Variants in TRAF3 observed in about 807,000 individuals in gnomAD.
TRAF3 encodes the protein TNF receptor associated factor 3.
Under a neutral mutation model 62.3 loss-of-function variants are expected in TRAF3, and 13 were observed. The observed-to-expected ratio is 0.21, with a 90% confidence interval of 0.14 to 0.33. The LOEUF (loss-of-function observed/expected upper bound fraction) is 0.33. TRAF3 is among the 10% of genes least tolerant of loss of function. TRAF3 has a pLI of 1.00. For missense variants in TRAF3, 440 were observed against 741.8 expected (o/e 0.59, Z 4.73); for synonymous variants, 269 against 283.4 (o/e 0.95, Z 0.51).
intron 7 of TRAF3, among the ~76,000 whole-genome samples, chr14:102,888,126 A>G (rs1000565089): frequency 6.6e-6 from 1 of 152,208 alleles, no homozygotes; most frequent in African/African-American, 2.4e-5. Flanking sequence ...TCCCTGGCTT[A>G]ACATGTAATA....
chr14:102,788,657 G>A (rs1429842292), intron 1 of TRAF3, among the ~76,000 whole-genome samples: 1 of 152,194 alleles, frequency 6.6e-6, no homozygotes, highest in African/African-American at 2.4e-5. Context: ...AATTAGCTGG[G>A]CGTGGTGGCG....
In TRAF3 at chr14:102,812,735, C is replaced by T. The variant is rs532284701; in HGVS notation, c.-156-17599C>T. On this transcript the variant is annotated intron_variant, in intron 1 of 11. Coordinates refer to ENST00000392745, the MANE Select transcript of TRAF3 (RefSeq NM_145725.3). ...GAGATCGAGACCATCTTGGCTAACA[C>T]GGTGAAACCCTGTCTTTACTAAAAA... 1.1e-4 allele frequency among the ~76,000 whole-genome samples: 17 copies of T among 149,850 alleles called. No individual in the cohort carries two copies. In the South Asian group the frequency reaches 1.9e-3, roughly 16 times the overall value.
chr14:102,785,828 G>A (rs977436016), intron 1 of TRAF3, among the ~76,000 whole-genome samples: 12 of 152,288 alleles, frequency 7.9e-5, no homozygotes, highest in African/African-American at 1.9e-4. Flanking sequence ...TGTGAATAAC[G>A]GAATGCAGCC....
intron 1 of TRAF3, among the ~76,000 whole-genome samples, chr14:102,793,186 C>G (rs1897899210): frequency 1.3e-5 from 2 of 151,974 alleles, no homozygotes; most frequent in Admixed American, 6.6e-5. Flanking sequence ...GGGTCTTACT[C>G]TGTTGCCCAG....
intron 8 of TRAF3, among the ~76,000 whole-genome samples, chr14:102,890,931 T>A (rs1412295794): frequency 1.3e-5 from 2 of 152,248 alleles, no homozygotes. Context: ...TACAGGTATC[T>A]AAACATTTTC....
At chr14:102,814,938 TTTTC>T (rs1452828169) in intron 1 of TRAF3, among the ~76,000 whole-genome samples, 12 of 152,196 alleles carry the variant, frequency 7.9e-5, no homozygotes, top group South Asian at 2.1e-4. Flanking sequence ...TTTTCTTTTC[TTTTC>T]TTTCTTTTTC....
At chr14:102,789,542 C>T (rs934044662) in intron 1 of TRAF3, among the ~76,000 whole-genome samples, 3 of 152,044 alleles carry the variant, frequency 2.0e-5, no homozygotes, top group Non-Finnish European at 4.4e-5. Flanking sequence ...AGTGGCACCT[C>T]TCACACCTTC....
Position 102,910,646 on chromosome 14 carries a change from G to T in TRAF3, c.*4862G>T, listed in dbSNP as rs1890819972. 1 of 152,232 alleles carries T rather than the reference G, an allele frequency of 6.6e-6. No individual in the cohort carries two copies. Among genetic ancestry groups the T allele is most frequent in the African/African-American group, 2.4e-5 (1 of 41,464 alleles). 9.4% of individuals were successfully genotyped at this position (152,232 alleles called of 1,614,324 possible). ...GATCCTGGTGTGCCCCACATGCGGT[G>T]GCAGGGCAGACGTGTGAAGCCTCGG... On this transcript the variant is annotated 3_prime_UTR_variant, in exon 12 of 12. Coordinates refer to ENST00000392745, the MANE Select transcript of TRAF3 (RefSeq NM_145725.3).
chr14:102,828,863 C>T (rs1900483011), intron 1 of TRAF3, among the ~76,000 whole-genome samples: 2 of 151,410 alleles, frequency 1.3e-5, no homozygotes, highest in Non-Finnish European at 2.9e-5. Flanking sequence ...GGTGTAGATA[C>T]GCATAGAATA....
chr14:102,834,234 TACGGGTACAAAAGCAGAC>T (rs1319023687), intron 2 of TRAF3, among the ~76,000 whole-genome samples: 1 of 152,036 alleles, frequency 6.6e-6, no homozygotes, highest in Non-Finnish European at 1.5e-5. Flanking sequence ...AACAGCATGG[TACGGGTACAAAAGCAGAC>T]ACGAATGGAA....
At chr14:102,820,614 ATTTTTTTTTTTTTTTTTTT>A (rs57149106) in intron 1 of TRAF3, among the ~76,000 whole-genome samples, 1 of 17,926 alleles carries the variant, frequency 5.6e-5, no homozygotes, top group Admixed American at 1.4e-3. Flanking sequence ...ATATATATAT[ATTTTTTTTTTTTTTTTTTT>A]TTTTTTTTTT....
chr14:102,784,531 G>A (rs1220876219), intron 1 of TRAF3, among the ~76,000 whole-genome samples: 2 of 152,210 alleles, frequency 1.3e-5, no homozygotes, highest in East Asian at 1.9e-4. Flanking sequence ...CTGATGCTTG[G>A]CTTCTGATTC....
chr14:102,882,659 A>C (rs1889137796), intron 6 of TRAF3, among the ~76,000 whole-genome samples: 1 of 149,894 alleles, frequency 6.7e-6, no homozygotes, highest in African/African-American at 2.5e-5. Flanking sequence ...TGATGTAGGG[A>C]GACCTAAAGC....
In TRAF3 at chr14:102,870,279, T is replaced by G; in HGVS notation, c.78T>G (p.Ser26Arg). 1 of 1,614,202 alleles carries G rather than the reference T, an allele frequency of 6.2e-7. No individual in the cohort carries two copies. The highest frequency in any genetic ancestry group is 2.2e-5 in the East Asian group (1 of 44,874). Residue 26 changes from serine (S) to arginine (R), a missense_variant, in exon 3 of 12, where the codon AGT becomes AGG. Ser to Arg is a moderately radical substitution (Grantham distance 110, BLOSUM62 -1). Transcript: ENST00000392745. The part of the protein sequence containing the change: ...NPPLKLHTDR[S>R]AGTPVFVPEQ... ...CGCTAAAGCTGCACACTGACCGCAG[T>G]GCTGGGACGCCAGTTTTTGTCCCTG...
intron 2 of TRAF3, among the ~76,000 whole-genome samples, chr14:102,845,162 C>T (rs1457911716): frequency 3.3e-5 from 5 of 151,372 alleles, no homozygotes; most frequent in African/African-American, 7.3e-5. Context: ...TCCCAAAGTG[C>T]TGGAATTACA....
chr14:102,807,214 C>G (rs1322318285), intron 1 of TRAF3, among the ~76,000 whole-genome samples: 1 of 152,160 alleles, frequency 6.6e-6, no homozygotes, highest in Non-Finnish European at 1.5e-5. Context: ...TTCAGTGCAC[C>G]CTGCATTCCT....
chr14:102,846,889 A>G (rs1019085118), intron 2 of TRAF3, among the ~76,000 whole-genome samples: 1 of 152,148 alleles, frequency 6.6e-6, no homozygotes, highest in Non-Finnish European at 1.5e-5. Context: ...TTGGGGTCAG[A>G]TAGAGGCACC....
chr14:102,778,393 T>G (rs1897122870), intron 1 of TRAF3, among the ~76,000 whole-genome samples: 1 of 152,142 alleles, frequency 6.6e-6, no homozygotes, highest in Non-Finnish European at 1.5e-5. Flanking sequence ...CCCGAGGAGA[T>G]AATTCTGTGT....
At chr14:102,904,809 CAAAAAA>C (rs36006172) in intron 11 of TRAF3, among the ~76,000 whole-genome samples, 1 of 80,006 alleles carries the variant, frequency 1.2e-5, no homozygotes, top group Non-Finnish European at 2.6e-5. Context: ...GACTCCATCT[CAAAAAA>C]AAAAAAAAAA....
Sources: allele counts gnomAD v4.1 joint callset (sites outside exome capture counted in the v4.1 genomes callset), GRCh38; gene constraint gnomAD v4.1.1; transcripts MANE v1.5; gene names NCBI Gene and HGNC (gene_info 2026-07-23, HGNC 2026-07-21).